KIF21B: variants seen among roughly 807,000 people sequenced by gnomAD.
The protein encoded by KIF21B is kinesin family member 21B.
A neutral mutation model predicts 192.9 loss-of-function variants in KIF21B; 85 were observed. The ratio of observed to expected loss-of-function variants is 0.44; its 90% CI spans 0.37 to 0.53. KIF21B has a LOEUF of 0.53. Ranked by LOEUF, KIF21B falls within the 20% of genes least tolerant of loss-of-function variation. KIF21B has a pLI of 0.00. For missense variants in KIF21B, 1,716 were observed against 2,194.8 expected, an observed-to-expected ratio of 0.78 and a Z score of 4.36; for synonymous variants, 832 against 884.6, an observed-to-expected ratio of 0.94 and a Z score of 1.05.
At chr1:200,974,024 C>A in intron 34 of KIF21B, 2 of 1,573,366 alleles carry the variant, frequency 1.3e-6, no homozygotes, top group East Asian at 2.3e-5. Flanking sequence ...CAGCTCAGAT[C>A]GAAGTGGGGA....
At position 200,981,097 on chromosome 1, in the gene KIF21B, CT is replaced by C; in HGVS notation, c.3843-2del. On this transcript the variant is annotated splice_acceptor_variant, in intron 28 of 34. Transcript: ENST00000461742. LOFTEE classifies it high-confidence loss of function. ...TCCTCCAACCGGGGAGATGATGCCC[CT>C]TCCCGGGAGAGAGGGAGAGAAGGCA... 1 of 1,588,146 alleles carries C rather than the reference CT, an allele frequency of 6.3e-7. No homozygotes were observed. The highest frequency in any genetic ancestry group is 8.5e-7 in the Non-Finnish European group (1 of 1,171,554).
At chr1:201,011,259 T>C (rs1159932252) in intron 1 of KIF21B, among the ~76,000 whole-genome samples, 1 of 152,230 alleles carries the variant, frequency 6.6e-6, no homozygotes, top group African/African-American at 2.4e-5. Context: ...CCTCTACTGC[T>C]AATAAGGGCA....
At position 201,000,827 on chromosome 1, in the gene KIF21B, G is replaced by A. The variant is rs1657450068; in HGVS notation, c.1403-47C>T. On this transcript the variant is annotated intron_variant, in intron 9 of 34. Transcript: ENST00000461742. This position sits in a 1 kb window ranked among gnomAD's most constrained non-coding sequence, Gnocchi z 6.0. ...AAGGGTGCGATAAAGAAGATAAATA[G>A]GCCAGCGCGGTGGCTCAGACCTATA... is the stretch of plus-strand genomic sequence containing the variant. The A allele has an allele frequency of 6.2e-7, 1 of 1,600,188 alleles. No individual in the cohort carries two copies. Among genetic ancestry groups the A allele is most frequent in the African/African-American group, 1.3e-5 (1 of 74,532 alleles).
chr1:201,014,720 C>T (rs1239056726), intron 1 of KIF21B, among the ~76,000 whole-genome samples: 1 of 152,258 alleles, frequency 6.6e-6, no homozygotes, highest in Non-Finnish European at 1.5e-5. Context: ...ACCCAATCAG[C>T]TGGCTAGGGT....
Position 200,974,304 on chromosome 1 carries a change from C to T in KIF21B, c.4814+410G>A, listed in dbSNP as rs1366878062. ...AGAAAGAAAGCCATCTGAGTCGCACCCCATGGGACAGAGGGCCTGGCTGCT... is the reference window on the plus strand; with the variant it reads ...AGAAAGAAAGCCATCTGAGTCGCACTCCATGGGACAGAGGGCCTGGCTGCT... On this transcript the variant is annotated intron_variant, in intron 34 of 34. Coordinates refer to ENST00000461742, the MANE Select transcript of KIF21B (RefSeq NM_001252102.2). The T allele has an allele frequency of 3.1e-6, 4 of 1,305,980 alleles. No homozygotes were observed. In the African/African-American group the frequency reaches 5.9e-5, roughly 19 times the overall value. The allele number at this position is 1,305,980 out of a possible 1,614,324, so 80.9% of individuals were successfully genotyped here.
rs767128477 is a variant in KIF21B, at chr1:200,974,898, G to T, written c.4630C>A (p.His1544Asn). ...GCCAGGGCGCACACCCAGTCCTTGT[G>T]CGCATTGGGGATTTGCTGTGAGAGG... ...QELIQQIPNA[H>N]KDWVCALAFI... Residue 1544 changes from histidine (H) to asparagine (N), a missense_variant, in exon 34 of 35, where the codon CAC becomes AAC. His to Asn is a moderately conservative substitution (Grantham distance 68, BLOSUM62 1). Transcript: ENST00000461742. 3 of 1,613,842 alleles carry T rather than the reference G, an allele frequency of 1.9e-6. No homozygotes were observed. The Admixed American group carries it at 5.0e-5, about 27-fold the overall frequency.
rs1225831423 is a variant in KIF21B at position 201,008,950 on chromosome 1, G to A, written c.266C>T (p.Thr89Met). Residue 89 changes from threonine (T) to methionine (M), a missense_variant and splice_region_variant, in exon 3 of 35, where the codon ACG becomes ATG. Around this residue, in one of 3 missense-constraint regions of KIF21B, gnomAD observed 1,087 missense variants for 1,316.6 expected, o/e 0.83. Transcript: ENST00000461742. ...YNATVLAYGQ[T>M]GAGKTYTMGT... ...CATGGTGTACGTCTTCCCGGCCCCC[G>A]TCTGCATTGGCAAAGATAGGAGGGT... 3.1e-6 allele frequency: 5 copies of A among 1,607,002 alleles called. No individual in the cohort carries two copies. The highest frequency in any genetic ancestry group is 2.2e-5 in the South Asian group (2 of 90,618).
intron 6 of KIF21B, 44 bp from the exon 7 acceptor site, chr1:201,004,499 G>T (rs995731009): frequency 5.4e-6 from 8 of 1,483,748 alleles, no homozygotes; most frequent in Non-Finnish European, 7.4e-6. Flanking sequence ...CTCAGGGAGC[G>T]AAGGGTAGGG....
intron 27 of KIF21B, among the ~76,000 whole-genome samples, chr1:200,984,559 G>A (rs1656159163): frequency 6.6e-6 from 1 of 152,226 alleles, no homozygotes; most frequent in African/African-American, 2.4e-5. Flanking sequence ...CAGCTCTGGA[G>A]AGCCCTCAGG....
rs1245152174 is a variant in KIF21B at position 200,999,319 on chromosome 1, C to A, written c.1885+30G>T. 3.7e-6 allele frequency: 6 copies of A among 1,613,768 alleles called. No individual in the cohort carries two copies. The highest frequency in any genetic ancestry group is 5.1e-6 in the Non-Finnish European group (6 of 1,179,944). ...GGCACTGGCAGCCAGGCATTGCATCCCCCACAGCCCACAGCTCAGGCCCAC... is the reference window on the plus strand; with the variant it reads ...GGCACTGGCAGCCAGGCATTGCATCACCCACAGCCCACAGCTCAGGCCCAC... On this transcript the variant is annotated intron_variant, in intron 13 of 34. Transcript: ENST00000461742. This position sits in a 1 kb window ranked among gnomAD's most constrained non-coding sequence, Gnocchi z 4.7.
At position 200,991,147 on chromosome 1, in the gene KIF21B, A is replaced by C; in HGVS notation, c.2457T>G (p.Val819=). The C allele has an allele frequency of 1.9e-6, 3 of 1,611,644 alleles. No individual in the cohort carries two copies. The highest frequency in any genetic ancestry group is 2.5e-6 in the Non-Finnish European group (3 of 1,178,624). The change falls in exon 18 of 35, where the codon GTT becomes GTG. Residue 819 remains valine, a splice_region_variant and synonymous_variant. Transcript: ENST00000461742. ...EMVLRRKTQE[V]SALRRLAKPM... The stretch of plus-strand genomic sequence containing the variant: ...GCTTGGCCAGGCGCCTCAGTGCAGA[A>C]ACCTGGGGCAGCAGGGAGAAAAGAG...
intron 29 of KIF21B, among the ~76,000 whole-genome samples, chr1:200,980,230 G>A (rs2102383957): frequency 6.6e-6 from 1 of 152,328 alleles, no homozygotes; most frequent in Non-Finnish European, 1.5e-5. Flanking sequence ...TCGGTAAAAT[G>A]AATGAATGAA....
At chr1:200,994,764 C>T (rs750075217) in intron 15 of KIF21B, among the ~76,000 whole-genome samples, 4 of 152,188 alleles carry the variant, frequency 2.6e-5, no homozygotes, top group Admixed American at 6.5e-5. Context: ...CGCACATAAG[C>T]GCACCCCAGA....
chr1:200,989,007 C>T (rs1461287560), intron 21 of KIF21B, 76 bp from the exon 22 acceptor site: 10 of 1,423,438 alleles, frequency 7.0e-6, no homozygotes, highest in Non-Finnish European at 9.4e-6. Flanking sequence ...ACCTGCACCC[C>T]TCAAGACACC....
At position 201,008,780 on chromosome 1, in the gene KIF21B, G is replaced by T; in HGVS notation, c.436C>A (p.Gln146Lys). 1 of 1,599,344 alleles carries T rather than the reference G, an allele frequency of 6.3e-7. No homozygotes were observed. The highest frequency in any genetic ancestry group is 8.5e-7 in the Non-Finnish European group (1 of 1,178,434). Reference sequence around the variant, plus strand: ...TGGGGCCACAGTACCTCCAGAAACTGGGCGCTGACTTTGAACTCAGGTCCA... The same window carrying T: ...TGGGGCCACAGTACCTCCAGAAACTTGGCGCTGACTTTGAACTCAGGTCCA... ...VAGPEFKVSA[Q>K]FLELYNEEIL... Residue 146 changes from glutamine (Q) to lysine (K), a missense_variant, in exon 3 of 35, where the codon CAG (glutamine) becomes AAG (lysine). By Grantham distance (53) the Gln-to-Lys change is moderately conservative. This residue lies in a region of KIF21B where 1,087 missense variants were observed against 1,316.6 expected (regional missense o/e 0.83). Coordinates refer to ENST00000461742, the MANE Select transcript of KIF21B (RefSeq NM_001252102.2).
chr1:200,999,731 C>T lies in KIF21B; in HGVS notation c.1767+152G>A. 1 of 878,924 alleles carries T rather than the reference C, an allele frequency of 1.1e-6. No individual in the cohort carries two copies. The highest frequency in any genetic ancestry group is 1.5e-5 in the South Asian group (1 of 67,586). The allele number at this position is 878,924 out of a possible 1,614,324, so 54.4% of individuals were successfully genotyped here. On this transcript the variant is annotated intron_variant, in intron 12 of 34. Coordinates refer to ENST00000461742, the MANE Select transcript of KIF21B (RefSeq NM_001252102.2). The surrounding 1 kb of genome is among the most constrained non-coding windows in gnomAD (Gnocchi z 4.7). ...TAGGGGATGGAGATCACCATGGTAA[C>T]CAGTCAGAGATATAAGGAAGTACAA... is the stretch of plus-strand genomic sequence containing the variant.
chr1:201,012,030 G>A (rs1658260032), intron 1 of KIF21B, among the ~76,000 whole-genome samples: 1 of 152,210 alleles, frequency 6.6e-6, no homozygotes, highest in African/African-American at 2.4e-5. Flanking sequence ...CAAGACAGTG[G>A]GCAGAACAGT....
Position 200,975,915 on chromosome 1 carries a change from G to A in KIF21B, c.4444-246C>T, listed in dbSNP as rs933196072. 5.3e-5 allele frequency among the ~76,000 whole-genome samples: 8 copies of A among 152,094 alleles called. No homozygotes were observed. Among genetic ancestry groups the A allele is most frequent in the African/African-American group, 1.9e-4 (8 of 41,418 alleles). The stretch of plus-strand genomic sequence containing the variant: ...GTGGATACTGGGGCAGGGGTGGGAG[G>A]AGACCAACTCAAGTAATGCAGGGGT... On this transcript the variant is annotated intron_variant, in intron 32 of 34. Coordinates refer to ENST00000461742, the MANE Select transcript of KIF21B (RefSeq NM_001252102.2). The surrounding 1 kb of genome is among the most constrained non-coding windows in gnomAD (Gnocchi z 4.3).
At chr1:200,997,960 T>C (rs1485828085) in intron 14 of KIF21B, among the ~76,000 whole-genome samples, 1 of 152,174 alleles carries the variant, frequency 6.6e-6, no homozygotes, top group Non-Finnish European at 1.5e-5. Context: ...GTAAGACATA[T>C]TCAACATGTG....
Sources: allele counts gnomAD v4.1 joint callset (sites outside exome capture counted in the v4.1 genomes callset), GRCh38; gene constraint gnomAD v4.1.1; regional missense constraint gnomAD v4.1.1; non-coding constraint Gnocchi (gnomAD v3.1); transcripts MANE v1.5; gene names NCBI Gene and HGNC (gene_info 2026-07-23, HGNC 2026-07-21).